PRKACB: variants seen among roughly 807,000 people sequenced by gnomAD.
PRKACB encodes the protein cAMP-dependent protein kinase catalytic subunit beta.
In PRKACB, 16 loss-of-function variants were observed where a neutral mutation model predicts 51.4. That is an observed-to-expected ratio of 0.31 (90% CI 0.21 to 0.47). The LOEUF is 0.47. PRKACB is among the 20% of genes least tolerant of loss of function. The pLI, the probability that PRKACB is intolerant of heterozygous loss-of-function variation, is 1.00. For missense variants in PRKACB, 309 were observed against 464.5 expected, an observed-to-expected ratio of 0.67 and a Z score of 3.08; for synonymous variants, 147 against 154.4, an observed-to-expected ratio of 0.95 and a Z score of 0.35.
chr1:84,183,713 C>T (rs2101013405), intron 3 of PRKACB, among the ~76,000 whole-genome samples: 1 of 151,826 alleles, frequency 6.6e-6, no homozygotes, highest in Non-Finnish European at 1.5e-5. Flanking sequence ...ATTGACATAA[C>T]TAATTTTTAA....
At chr1:84,222,881 G>A (rs561302847) in intron 9 of PRKACB, among the ~76,000 whole-genome samples, 51 of 152,210 alleles carry the variant, frequency 3.4e-4, no homozygotes, top group Non-Finnish European at 6.3e-4. Context: ...AGAAATCCAC[G>A]TTAGTCTGAT....
At chr1:84,134,034 G>C (rs753004933) in intron 1 of PRKACB, among the ~76,000 whole-genome samples, 5 of 152,154 alleles carry the variant, frequency 3.3e-5, no homozygotes, top group Non-Finnish European at 7.4e-5. Flanking sequence ...GGGAAAGGGA[G>C]CTGGAAAGAG....
Position 84,237,611 on chromosome 1 carries a change from G to A in PRKACB, c.*2306G>A, listed in dbSNP as rs1202534882. The A allele has an allele frequency of 6.6e-6, 1 of 152,042 alleles. No homozygotes were observed. The highest frequency in any genetic ancestry group is 1.5e-5 in the Non-Finnish European group (1 of 67,954). 9.4% of individuals were successfully genotyped at this position (152,042 alleles called of 1,614,324 possible). On this transcript the variant is annotated 3_prime_UTR_variant, in exon 10 of 10. Coordinates refer to ENST00000370685, the MANE Select transcript of PRKACB (RefSeq NM_182948.4). ...AGGGAGTCAATTTCTGACCAATCAA[G>A]TACACTAAATTAGAATATTTTTAAA...
chr1:84,175,797 A>C (rs748583333), intron 1 of PRKACB: 1 of 1,574,750 alleles, frequency 6.4e-7, no homozygotes, highest in Non-Finnish European at 8.6e-7. Context: ...GTGAACATGT[A>C]GATTCCTTTG....
intron 1 of PRKACB, among the ~76,000 whole-genome samples, chr1:84,149,954 C>T (rs988717182): frequency 1.4e-4 from 21 of 152,068 alleles, no homozygotes; most frequent in Admixed American, 1.1e-3. Context: ...AGCTACTATC[C>T]TTAATGATAT....
intron 9 of PRKACB, among the ~76,000 whole-genome samples, chr1:84,224,813 C>G (rs1388010663): frequency 6.6e-6 from 1 of 152,188 alleles, no homozygotes; most frequent in Non-Finnish European, 1.5e-5. Flanking sequence ...GTGGATGGAT[C>G]CCCAAGCCTC....
chr1:84,091,671 A>C (rs112536782), intron 1 of PRKACB, among the ~76,000 whole-genome samples: 1,955 of 151,698 alleles, frequency 0.013, 54 homozygotes, highest in African/African-American at 0.044. Context: ...TGCCTGGCTA[A>C]TTTTCGTATT....
intron 9 of PRKACB, among the ~76,000 whole-genome samples, chr1:84,224,297 A>G (rs979934655): frequency 2.6e-5 from 4 of 152,194 alleles, no homozygotes; most frequent in African/African-American, 9.7e-5. Flanking sequence ...TTAGGCCTCT[A>G]TGTGGCTTGC....
intron 1 of PRKACB, among the ~76,000 whole-genome samples, chr1:84,114,642 C>T (rs911395422): frequency 1.3e-5 from 2 of 152,204 alleles, no homozygotes; most frequent in Non-Finnish European, 2.9e-5. Context: ...TATGGTTGTA[C>T]CCTTTAATTC....
At chr1:84,141,752 C>T (rs954731400), upstream of PRKACB, among the ~76,000 whole-genome samples, 5 of 152,008 alleles carry the variant, frequency 3.3e-5, no homozygotes, top group African/African-American at 9.7e-5. Flanking sequence ...AAAATGAATA[C>T]GGTCCAGCTG....
intron 3 of PRKACB, among the ~76,000 whole-genome samples, chr1:84,182,948 A>G (rs1663993986): frequency 6.6e-6 from 1 of 152,082 alleles, no homozygotes; most frequent in Non-Finnish European, 1.5e-5. Context: ...TGAAAACCTG[A>G]GGCCCAAAGA....
intron 1 of PRKACB, among the ~76,000 whole-genome samples, chr1:84,135,835 A>G (rs1652748135): frequency 6.6e-6 from 1 of 152,138 alleles, no homozygotes; most frequent in South Asian, 2.1e-4. Context: ...TCAGTAATAA[A>G]AAGTTCTACC....
At chr1:84,232,148 A>G (rs1030341355) in intron 9 of PRKACB, among the ~76,000 whole-genome samples, 7 of 152,028 alleles carry the variant, frequency 4.6e-5, no homozygotes, top group African/African-American at 1.2e-4. Flanking sequence ...TTCAAAGAAC[A>G]TCTTTATTTC....
chr1:84,097,185 A>C (rs532774133), intron 1 of PRKACB, among the ~76,000 whole-genome samples: 367 of 152,092 alleles, frequency 2.4e-3, no homozygotes, highest in African/African-American at 8.6e-3. Flanking sequence ...TTATGACTAG[A>C]ACTTCTGTGA....
chr1:84,090,840 T>C (rs12405120), intron 1 of PRKACB, among the ~76,000 whole-genome samples: 58,289 of 151,962 alleles, frequency 0.38, 12,326 homozygotes, highest in Non-Finnish European at 0.49. Flanking sequence ...TGCACTTTGA[T>C]GGAAGGAGTT....
intron 1 of PRKACB, chr1:84,157,391 T>C (rs1469224888): frequency 6.6e-6 from 1 of 151,822 alleles, no homozygotes; most frequent in African/African-American, 2.4e-5. Context: ...TTTGACAACT[T>C]TTTTTTTAAT....
At chr1:84,225,468 G>A (rs999818399) in intron 9 of PRKACB, among the ~76,000 whole-genome samples, 9 of 152,174 alleles carry the variant, frequency 5.9e-5, no homozygotes, top group African/African-American at 2.2e-4. Context: ...GGACCCAGCC[G>A]CACCATTGGG....
chr1:84,172,416 A>C (rs2100835088), intron 1 of PRKACB, among the ~76,000 whole-genome samples: 1 of 151,824 alleles, frequency 6.6e-6, no homozygotes, highest in South Asian at 2.1e-4. Flanking sequence ...ATTTACTTTG[A>C]GTTTTCATTA....
chr1:84,119,330 T>C (rs150516583), intron 1 of PRKACB, among the ~76,000 whole-genome samples: 12 of 152,252 alleles, frequency 7.9e-5, no homozygotes, highest in South Asian at 4.1e-4. Flanking sequence ...CCAGGAAATA[T>C]ATTTTATAGC....
Sources: gnomAD v4.1 joint callset for allele counts (sites outside exome capture counted in the v4.1 genomes callset) on GRCh38, gnomAD v4.1.1 for gene constraint, MANE v1.5 for transcripts, NCBI Gene and HGNC (gene_info 2026-07-23, HGNC 2026-07-21) for gene names.